Variants in FBXO39 observed in about 807,000 individuals in gnomAD.
FBXO39 encodes F-box only protein 39.
In FBXO39, 22 loss-of-function variants were observed where a neutral mutation model predicts 36.6. The observed-to-expected ratio is 0.60, with a 90% CI of 0.43 to 0.86. The LOEUF is 0.86. Ranked by LOEUF, FBXO39 falls within the 40% of genes least tolerant of loss-of-function variation. The pLI is 0.00. For synonymous variants in FBXO39, 206 were observed against 205.8 expected, an observed-to-expected ratio of 1.00 and a Z score of -0.01; for missense variants, 536 against 543.9, an observed-to-expected ratio of 0.99 and a Z score of 0.14.
Position 6,786,849 on chromosome 17 carries a change from TG to T in FBXO39, c.1094del (p.Cys365SerfsTer22). On this transcript the variant is annotated frameshift_variant, in exon 3 of 4. Coordinates refer to ENST00000321535, the MANE Select transcript of FBXO39 (RefSeq NM_153230.3). LOFTEE classifies it high-confidence loss of function. ...DEELHLLIIS[C>X]RKLFYFKIWA... The stretch of plus-strand genomic sequence containing the variant: ...GGAGCTGCACCTCCTCATCATATCC[TG>T]CAGGAAGTTGTTTTACTTCAAAATC... 6.2e-7 allele frequency: 1 copy of T among 1,614,040 alleles called. No individual in the cohort carries two copies.
chr17:6,782,072 CAT>C (rs1976514880), intron 2 of FBXO39, among the ~76,000 whole-genome samples: 1 of 152,086 alleles, frequency 6.6e-6, no homozygotes, highest in South Asian at 2.1e-4. Flanking sequence ...CTTTTCAAGA[CAT>C]AGACAGTACA....
chr17:6,780,283 C>T lies in FBXO39; in HGVS notation c.415C>T (p.Leu139=). 6.2e-7 allele frequency: 1 copy of T among 1,614,132 alleles called. No individual in the cohort carries two copies. Among genetic ancestry groups the T allele is most frequent in the Non-Finnish European group, 8.5e-7 (1 of 1,180,040 alleles). The change falls in exon 2 of 4, where the codon CTG becomes TTG. Residue 139 remains leucine (L), a synonymous_variant. Transcript: ENST00000321535. The part of the protein sequence containing the change: ...LSIQYLELDR[L]VWRNSIRSSF... ...CATCCAATACCTGGAGCTGGACCGCCTGGTATGGAGGAACAGCATCAGGAG... is the reference window on the plus strand; with the variant it reads ...CATCCAATACCTGGAGCTGGACCGCTTGGTATGGAGGAACAGCATCAGGAG...
chr17:6,787,108 C>T, intron 3 of FBXO39, 152 bp downstream of exon 3: 1 of 1,314,500 alleles, frequency 7.6e-7, no homozygotes, highest in Non-Finnish European at 1.0e-6. Context: ...CTGGAGCTCT[C>T]TTTTCTAGTA....
Position 6,787,371 on chromosome 17 carries a change from C to T in FBXO39, c.1272C>T (p.Tyr424=). 6.2e-7 allele frequency: 1 copy of T among 1,614,052 alleles called. No individual in the cohort carries two copies. Among genetic ancestry groups the T allele is most frequent in the Non-Finnish European group, 8.5e-7 (1 of 1,179,982 alleles). The stretch of plus-strand genomic sequence containing the variant: ...CCCTGCAGGAAATTTACAGGAAGTA[C>T]AGAAAGCTGATCGAATCAGAGCTTA... ...DKTLQEIYRK[Y]RKLIESELSY... Residue 424 remains tyrosine, a synonymous_variant, in exon 4 of 4, where the codon TAC becomes TAT. Transcript: ENST00000321535.
At chr17:6,786,396 A>C (rs1342277663) in intron 2 of FBXO39, among the ~76,000 whole-genome samples, 1 of 152,214 alleles carries the variant, frequency 6.6e-6, no homozygotes, top group East Asian at 1.9e-4. Flanking sequence ...TAATGGGTAC[A>C]AAAAAAGTTA....
In FBXO39 at chr17:6,787,588, T is replaced by A; in HGVS notation, c.*160T>A. ...ACAACATGACCAGCTCAGCAAAGGC[T>A]GAGACTGCCCATGACCTGAAGGCTC... On this transcript the variant is annotated 3_prime_UTR_variant, in exon 4 of 4. Transcript: ENST00000321535. The A allele has an allele frequency of 1.3e-6, 1 of 743,710 alleles. No individual in the cohort carries two copies. The highest frequency in any genetic ancestry group is 2.1e-6 in the Non-Finnish European group (1 of 471,086). The allele number at this position is 743,710 out of a possible 1,614,324, so 46.1% of individuals were successfully genotyped here. A position where few individuals can be genotyped will look rare whatever the true frequency, so the allele number is the denominator to read the frequency against.
chr17:6,787,516 T>G lies in FBXO39; in HGVS notation c.*88T>G. The stretch of plus-strand genomic sequence containing the variant: ...ACTACACTTGGGCACTGCCGGCCCT[T>G]TTGCTCCTCTCTCTCCCCTCCACTT... On this transcript the variant is annotated 3_prime_UTR_variant, in exon 4 of 4. Transcript: ENST00000321535. 6.6e-7 allele frequency: 1 copy of G among 1,515,148 alleles called. No individual in the cohort carries two copies. The allele number at this position is 1,515,148 out of a possible 1,614,324, so 93.9% of individuals were successfully genotyped here. A position where few individuals can be genotyped will look rare whatever the true frequency, so the allele number is the denominator to read the frequency against.
At position 6,787,230 on chromosome 17, in the gene FBXO39, GTGTGTGTA is replaced by G. The variant is rs996642889; in HGVS notation, c.1201-62_1201-55del. On this transcript the variant is annotated intron_variant, in intron 3 of 3. Transcript: ENST00000321535. ...CCTGAAAAGTGTAGTCACCGTGTGTGTGTGTGTATGTGTGTGTGTGTGTGCGTGTGTGC... is the reference window on the plus strand; with the variant it reads ...CCTGAAAAGTGTAGTCACCGTGTGTGTGTGTGTGTGTGTGTGCGTGTGTGC... The G allele has an allele frequency of 1.4e-4, 206 of 1,521,728 alleles. 1 individual carries two copies. The highest frequency in any genetic ancestry group is 1.9e-4 in the Admixed American group (10 of 53,010). 94.3% of individuals were successfully genotyped at this position (1,521,728 alleles called of 1,614,324 possible). A position where few individuals can be genotyped will look rare whatever the true frequency, so the allele number is the denominator to read the frequency against.
chr17:6,782,694 TAA>T (rs1368930460), intron 2 of FBXO39, among the ~76,000 whole-genome samples: 1 of 152,040 alleles, frequency 6.6e-6, no homozygotes, highest in East Asian at 1.9e-4. Context: ...TATATAATAA[TAA>T]AAGAGTCAAT....
At position 6,780,215 on chromosome 17, in the gene FBXO39, T is replaced by C. The variant is rs756781541; in HGVS notation, c.347T>C (p.Leu116Pro). 8.1e-6 allele frequency: 13 copies of C among 1,614,122 alleles called. No individual in the cohort carries two copies. Among genetic ancestry groups the C allele is most frequent in the Non-Finnish European group, 1.1e-5 (13 of 1,180,044 alleles). ...TTCCAGGTCACCATGCGGGGCCTCC[T>C]GTCTTGTCTGAGTAAGAGCAACAAC... Reference protein sequence around the residue: ...KKFQVTMRGLLSCLSKSNNRL... With the variant: ...KKFQVTMRGLPSCLSKSNNRL... The change falls in exon 2 of 4, where the codon CTG (leucine) becomes CCG (proline). Residue 116 changes from leucine (L) to proline (P), a missense_variant. Leu to Pro is a moderately conservative substitution (Grantham distance 98, BLOSUM62 -3). Transcript: ENST00000321535.
chr17:6,777,299 T>C (rs558690501), intron 1 of FBXO39, among the ~76,000 whole-genome samples: 74 of 151,892 alleles, frequency 4.9e-4, no homozygotes, highest in African/African-American at 1.6e-3. Flanking sequence ...GTGATGTTCC[T>C]CTCCCTGTGT....
intron 1 of FBXO39, among the ~76,000 whole-genome samples, chr17:6,776,886 T>C (rs1296773315): frequency 6.6e-6 from 1 of 151,476 alleles, no homozygotes; most frequent in African/African-American, 2.4e-5. Flanking sequence ...ATAGCTAGGA[T>C]GCAGCCCACT....
At chr17:6,785,587 T>TA (rs1567672055) in intron 2 of FBXO39, among the ~76,000 whole-genome samples, 1 of 151,820 alleles carries the variant, frequency 6.6e-6, no homozygotes, top group Non-Finnish European at 1.5e-5. Flanking sequence ...AAAATATCTG[T>TA]AAGCTACCCA....
Position 6,779,994 on chromosome 17 carries a change from C to G in FBXO39, c.126C>G (p.Val42=), listed in dbSNP as rs1245964943. The G allele has an allele frequency of 3.1e-6, 5 of 1,614,226 alleles. No homozygotes were observed. The highest frequency in any genetic ancestry group is 3.4e-6 in the Non-Finnish European group (4 of 1,180,044). The change falls in exon 2 of 4, where the codon GTC becomes GTG. Residue 42 remains valine (V), a synonymous_variant. Coordinates refer to ENST00000321535, the MANE Select transcript of FBXO39 (RefSeq NM_153230.3). ...GGGACAGGTCCAGGGCTGCTCTTGT[C>G]TGCAGAAAGTGGAACCAGATGATGT... The part of the protein sequence containing the change: ...GDRDRSRAAL[V]CRKWNQMMYS...
At chr17:6,782,694 T>C (rs887116114) in intron 2 of FBXO39, among the ~76,000 whole-genome samples, 1 of 152,040 alleles carries the variant, frequency 6.6e-6, no homozygotes, top group African/African-American at 2.4e-5. Flanking sequence ...TATATAATAA[T>C]AAAAGAGTCA....
Position 6,787,533 on chromosome 17 carries a change from C to A in FBXO39, c.*105C>A. ...CCGGCCCTTTTGCTCCTCTCTCTCC[C>A]CTCCACTTTTTTTTTTTGTCAGCTC... On this transcript the variant is annotated 3_prime_UTR_variant, in exon 4 of 4. Transcript: ENST00000321535. The A allele has an allele frequency of 1.4e-6, 2 of 1,402,726 alleles. No individual in the cohort carries two copies. Among genetic ancestry groups the A allele is most frequent in the Admixed American group, 2.1e-5 (1 of 46,714 alleles). The allele number at this position is 1,402,726 out of a possible 1,614,324, so 86.9% of individuals were successfully genotyped here. A position where few individuals can be genotyped will look rare whatever the true frequency, so the allele number is the denominator to read the frequency against.
In FBXO39 at chr17:6,780,414, T is replaced by C; in HGVS notation, c.546T>C (p.Ile182=). ...TGACCGTGGAGCAAGGCTGCCAAAT[T>C]CTCGACTCCCTCAGCTACATGAGGA... ...ARLTVEQGCQ[I]LDSLSYMRNE... The change falls in exon 2 of 4, where the codon ATT becomes ATC. Residue 182 remains isoleucine, a synonymous_variant. Coordinates refer to ENST00000321535, the MANE Select transcript of FBXO39 (RefSeq NM_153230.3). 6.2e-7 allele frequency: 1 copy of C among 1,614,054 alleles called. No homozygotes were observed. Among genetic ancestry groups the C allele is most frequent in the Non-Finnish European group, 8.5e-7 (1 of 1,180,028 alleles).
intron 2 of FBXO39, among the ~76,000 whole-genome samples, chr17:6,782,573 A>G (rs1717107301): frequency 6.6e-6 from 1 of 152,160 alleles, no homozygotes; most frequent in Admixed American, 6.5e-5. Context: ...AAATAAAGAG[A>G]TGGGAAATGA....
At chr17:6,782,675 CAG>C (rs1432663432) in intron 2 of FBXO39, among the ~76,000 whole-genome samples, 10 of 152,076 alleles carry the variant, frequency 6.6e-5, no homozygotes, top group African/African-American at 1.7e-4. Context: ...TAAAAAGAGA[CAG>C]AGTCATTATA....
Sources: gnomAD v4.1 joint callset for allele counts (sites outside exome capture counted in the v4.1 genomes callset) on GRCh38, gnomAD v4.1.1 for gene constraint, MANE v1.5 for transcripts, NCBI Gene and HGNC (gene_info 2026-07-23, HGNC 2026-07-21) for gene names.